AKTIP: variants seen among roughly 807,000 people sequenced by gnomAD.
The protein encoded by AKTIP is AKT interacting protein.
Under a neutral mutation model 39.1 loss-of-function variants are expected in AKTIP, and 16 were observed. That is an observed-to-expected ratio of 0.41 (90% CI 0.28 to 0.62). AKTIP has a LOEUF of 0.62. Ranked by LOEUF, AKTIP falls within the 20% of genes least tolerant of loss-of-function variation. The pLI, the probability that AKTIP is intolerant of heterozygous loss-of-function variation, is 0.32. For missense variants in AKTIP, 262 were observed against 356.6 expected (o/e 0.73, Z 2.14); for synonymous variants, 93 against 124.3 (o/e 0.75, Z 1.67).
intron 8 of AKTIP, 31 bp downstream of exon 8, chr16:53,494,107 G>T: frequency 6.7e-7 from 1 of 1,501,226 alleles, no homozygotes; most frequent in Non-Finnish European, 9.3e-7. Flanking sequence ...AAAGGACAGT[G>T]GACAGTTCAC....
intron 2 of AKTIP, 82 bp from the exon 3 acceptor site, chr16:53,498,678 T>C: frequency 7.3e-7 from 1 of 1,375,996 alleles, no homozygotes; most frequent in Non-Finnish European, 1.0e-6. Flanking sequence ...ATGGCCTAAA[T>C]GCTGGAATTA....
At chr16:53,502,519 C>G (rs922676432) in intron 1 of AKTIP, among the ~76,000 whole-genome samples, 2 of 152,200 alleles carry the variant, frequency 1.3e-5, no homozygotes, top group African/African-American at 4.8e-5. Context: ...ACTCACATCA[C>G]CCCGAATCGG....
At chr16:53,502,767 A>G (rs1180984783) in intron 1 of AKTIP, 1 of 152,150 alleles carries the variant, frequency 6.6e-6, no homozygotes, top group Non-Finnish European at 1.5e-5. Flanking sequence ...CTGGCCCGGG[A>G]GCCGCGGGCC....
chr16:53,492,941 T>A lies in AKTIP; in HGVS notation c.711-188A>T, dbSNP rs11075978. 1,546 of 584,988 alleles carry A rather than the reference T, an allele frequency of 2.6e-3. 27 individuals carry two copies. Among genetic ancestry groups the A allele is most frequent in the African/African-American group, 0.026 (1,392 of 53,486 alleles). 36.2% of individuals were successfully genotyped at this position (584,988 alleles called of 1,614,324 possible). On this transcript the variant is annotated intron_variant, in intron 8 of 9. Transcript: ENST00000394657. ...ATAACTATCCCTCATACATGAATGA[T>A]CTCATTTAAGCCTCACACCACCCCT...
intron 1 of AKTIP, chr16:53,501,563 TC>T (rs2150873377): frequency 6.6e-6 from 1 of 152,308 alleles, no homozygotes; most frequent in East Asian, 1.9e-4. Context: ...CTTGCACCAA[TC>T]AAACGGCTGA....
rs1164759677 is a variant in AKTIP, at chr16:53,491,903, A to G, written c.*509T>C. Reference sequence around the variant, plus strand: ...TCTCACTGAACTAAAGACATTTCTCAGTGATTTCAGTTTGTAAATCAGTAA... The same window carrying G: ...TCTCACTGAACTAAAGACATTTCTCGGTGATTTCAGTTTGTAAATCAGTAA... On this transcript the variant is annotated 3_prime_UTR_variant, in exon 10 of 10. Transcript: ENST00000394657. The G allele has an allele frequency of 6.5e-6, 1 of 152,714 alleles. No individual in the cohort carries two copies. 9.5% of individuals were successfully genotyped at this position (152,714 alleles called of 1,614,324 possible). A position where few individuals can be genotyped will look rare whatever the true frequency, so the allele number is the denominator to read the frequency against.
chr16:53,496,443 G>A (rs1166568910), intron 3 of AKTIP, among the ~76,000 whole-genome samples: 1 of 150,236 alleles, frequency 6.7e-6, no homozygotes, highest in Non-Finnish European at 1.5e-5. Flanking sequence ...TTACACTGGG[G>A]CCTCAGACCC....
Position 53,494,168 on chromosome 16 carries a change from T to G in AKTIP, c.680A>C (p.Gln227Pro). Reference protein sequence around the residue: ...VKVCTARLFDQPKIEDPYAIS... With the variant: ...VKVCTARLFDPPKIEDPYAIS... ...TGCATAGGGGTCTTCTATTTTAGGT[T>G]GGTCAAACAAACGAGCAGTGCACAC... Residue 227 changes from glutamine (Q) to proline (P), a missense_variant, in exon 8 of 10, where the codon CAA (glutamine) becomes CCA (proline). Gln to Pro is a moderately conservative substitution (Grantham distance 76). Coordinates refer to ENST00000394657, the MANE Select transcript of AKTIP (RefSeq NM_022476.4). 1 of 1,614,200 alleles carries G rather than the reference T, an allele frequency of 6.2e-7. No individual in the cohort carries two copies. The highest frequency in any genetic ancestry group is 8.5e-7 in the Non-Finnish European group (1 of 1,180,028).
At position 53,495,151 on chromosome 16, in the gene AKTIP, T is replaced by C. The variant is rs1961752438; in HGVS notation, c.336A>G (p.Ile112Met). 1 of 1,613,908 alleles carries C rather than the reference T, an allele frequency of 6.2e-7. No homozygotes were observed. The highest frequency in any genetic ancestry group is 1.3e-5 in the African/African-American group (1 of 74,924). ...CGCCATCTTGGTAAAGTCCATGCCGTATGAATATTACTCCAAACCACACTG... is the reference window on the plus strand; with the variant it reads ...CGCCATCTTGGTAAAGTCCATGCCGCATGAATATTACTCCAAACCACACTG... ...SALMWFGVIF[I>M]RHGLYQDGVF... The change falls in exon 5 of 10, where the codon ATA (isoleucine) becomes ATG (methionine). Residue 112 changes from isoleucine to methionine, a missense_variant. Coordinates refer to ENST00000394657, the MANE Select transcript of AKTIP (RefSeq NM_022476.4).
At position 53,497,624 on chromosome 16, in the gene AKTIP, C is replaced by T. The variant is rs148392367; in HGVS notation, c.248+767G>A. Among the ~76,000 whole-genome samples the T allele has an allele frequency of 4.3e-3, 648 of 152,332 alleles. 2 individuals are homozygous for T. Among genetic ancestry groups the T allele is most frequent in the African/African-American group, 0.015 (627 of 41,584 alleles). On this transcript the variant is annotated intron_variant, in intron 3 of 9. Coordinates refer to ENST00000394657, the MANE Select transcript of AKTIP (RefSeq NM_022476.4). ...GGCGACAACCAAATGGAGCACCACC[C>T]TCCAGATGGGTCTGACCCAAGAAGG...
intron 2 of AKTIP, 59 bp from the exon 3 acceptor site, chr16:53,498,655 C>T: frequency 1.3e-6 from 2 of 1,515,484 alleles, no homozygotes; most frequent in Non-Finnish European, 1.8e-6. Flanking sequence ...CACAAGAGTA[C>T]ATTATTAGCT....
rs371758261 is a variant in AKTIP, at chr16:53,494,477, G to A, written c.503+40C>T. On this transcript the variant is annotated intron_variant, in intron 6 of 9. Coordinates refer to ENST00000394657, the MANE Select transcript of AKTIP (RefSeq NM_022476.4). Reference sequence around the variant, plus strand: ...GGCGTGATTACCGAGGCGTCCTCTTGCTGTATTATGTCACTAAAAGAAACA... The same window carrying A: ...GGCGTGATTACCGAGGCGTCCTCTTACTGTATTATGTCACTAAAAGAAACA... The A allele has an allele frequency of 5.2e-5, 84 of 1,613,230 alleles. 1 individual carries two copies. Among genetic ancestry groups the A allele is most frequent in the Admixed American group, 1.8e-4 (11 of 59,972 alleles).
Position 53,492,237 on chromosome 16 carries a change from T to A in AKTIP, c.*175A>T, listed in dbSNP as rs1368104140. The A allele has an allele frequency of 1.7e-6, 1 of 583,102 alleles. No individual in the cohort carries two copies. The highest frequency in any genetic ancestry group is 3.0e-6 in the Non-Finnish European group (1 of 329,846). 36.1% of individuals were successfully genotyped at this position (583,102 alleles called of 1,614,324 possible). ...GACACTTCTGACAGAAGTAATGCAT[T>A]ACTTAGAGACAGGTTTCCAAACCCT... On this transcript the variant is annotated 3_prime_UTR_variant, in exon 10 of 10. Transcript: ENST00000394657.
At chr16:53,492,618 T>G in intron 9 of AKTIP, 75 bp downstream of exon 9, 1 of 1,599,574 alleles carries the variant, frequency 6.3e-7, no homozygotes, top group South Asian at 1.1e-5. Context: ...TTGTATGTAA[T>G]GAGCAGTCTC....
intron 5 of AKTIP, 39 bp from the exon 6 acceptor site, chr16:53,494,644 G>T: frequency 6.3e-7 from 1 of 1,583,558 alleles, no homozygotes; most frequent in Non-Finnish European, 8.7e-7. Context: ...TTTAATGGAA[G>T]CAGTGGCGCT....
chr16:53,500,598 G>A (rs1026873840), intron 1 of AKTIP, among the ~76,000 whole-genome samples: 6 of 151,968 alleles, frequency 3.9e-5, no homozygotes, highest in Non-Finnish European at 7.4e-5. Flanking sequence ...GGCTGGTCTC[G>A]AACTCCTGAC....
chr16:53,503,239 TCCCCG>T (rs1478936903), upstream of AKTIP: 5 of 59,452 alleles, frequency 8.4e-5, no homozygotes, highest in South Asian at 1.2e-3. Flanking sequence ...CCCTGCTTGA[TCCCCG>T]CCCCGCCCCA....
chr16:53,494,153 T>A lies in AKTIP; in HGVS notation c.695A>T (p.Asp232Val). 1 of 1,613,540 alleles carries A rather than the reference T, an allele frequency of 6.2e-7. No individual in the cohort carries two copies. The highest frequency in any genetic ancestry group is 8.5e-7 in the Non-Finnish European group (1 of 1,179,578). ...ARLFDQPKIE[D>V]PYAISFSPWN... ...CACCACTTACCTAATTGCATAGGGG[T>A]CTTCTATTTTAGGTTGGTCAAACAA... is the stretch of plus-strand genomic sequence containing the variant. Residue 232 changes from aspartate (D) to valine (V), a missense_variant, in exon 8 of 10, where the codon GAC (aspartate) becomes GTC (valine). This residue lies in a region of AKTIP where 145 missense variants were observed against 159.3 expected (regional missense o/e 0.91). Transcript: ENST00000394657.
At chr16:53,495,047 A>G in intron 5 of AKTIP, 26 bp downstream of exon 5, 1 of 1,596,554 alleles carries the variant, frequency 6.3e-7, no homozygotes, top group Non-Finnish European at 8.6e-7. Flanking sequence ...ATCCACAAAT[A>G]AAGCCAGACT....
Sources: allele counts gnomAD v4.1 joint callset (sites outside exome capture counted in the v4.1 genomes callset), GRCh38; gene constraint gnomAD v4.1.1; regional missense constraint gnomAD v4.1.1; transcripts MANE v1.5; gene names NCBI Gene and HGNC (gene_info 2026-07-23, HGNC 2026-07-21).